Variants in CXCL3 observed in about 807,000 individuals in gnomAD.
CXCL3 encodes C-X-C motif chemokine ligand 3, also known as C-X-C motif chemokine 3.
CXCL3 carries 10 observed loss-of-function variants against 11.5 expected under a neutral mutation model. The observed-to-expected ratio is 0.87, with a 90% CI of 0.54 to 1.48. The LOEUF (loss-of-function observed/expected upper bound fraction) is 1.48. CXCL3 is among the 40% of genes most tolerant of loss of function. CXCL3 has a pLI of 0.00. For synonymous variants in CXCL3, 61 were observed against 60.9 expected, an observed-to-expected ratio of 1.00 and a Z score of -0.01; for missense variants, 149 against 139.1, an observed-to-expected ratio of 1.07 and a Z score of -0.36.
chr4:74,037,173 C>A lies in CXCL3; in HGVS notation c.*89G>T. On this transcript the variant is annotated 3_prime_UTR_variant, in exon 4 of 4. Coordinates refer to ENST00000296026, the MANE Select transcript of CXCL3 (RefSeq NM_002090.3). ...CAGCTGTCCCTAGAAAGCTGCTGTT[C>A]TCTTTTTCATTTTCAGCTCTGGTAA... The A allele has an allele frequency of 4.7e-6, 7 of 1,493,468 alleles. No homozygotes were observed. Among genetic ancestry groups the A allele is most frequent in the Non-Finnish European group, 6.5e-6 (7 of 1,077,152 alleles). The allele number at this position is 1,493,468 out of a possible 1,614,324, so 92.5% of individuals were successfully genotyped here. A position where few individuals can be genotyped will look rare whatever the true frequency, so the allele number is the denominator to read the frequency against.
chr4:74,038,485 C>G (rs769677798), intron 1 of CXCL3, 27 bp downstream of exon 1: 11 of 1,570,722 alleles, frequency 7.0e-6, no homozygotes, highest in Non-Finnish European at 9.4e-6. Flanking sequence ...GCGTCCGGCC[C>G]GGGGACCCCA....
At chr4:74,038,447 CTGTCGGCGCGG>C (rs1720048707) in intron 1 of CXCL3, 34 bp from the exon 2 acceptor site, 2 of 1,593,890 alleles carry the variant, frequency 1.3e-6, no homozygotes, top group Admixed American at 3.5e-5. Flanking sequence ...TTGAGCGGGG[CTGTCGGCGCGG>C]GGCGCCCACC....
chr4:74,037,093 A>G lies in CXCL3; in HGVS notation c.*169T>C. 1 of 617,156 alleles carries G rather than the reference A, an allele frequency of 1.6e-6. No individual in the cohort carries two copies. Among genetic ancestry groups the G allele is most frequent in the Non-Finnish European group, 2.8e-6 (1 of 359,524 alleles). The allele number at this position is 617,156 out of a possible 1,614,324, so 38.2% of individuals were successfully genotyped here. On this transcript the variant is annotated 3_prime_UTR_variant, in exon 4 of 4. Coordinates refer to ENST00000296026, the MANE Select transcript of CXCL3 (RefSeq NM_002090.3). Reference sequence around the variant, plus strand: ...TTAAAATACAAGCTTTCAAAAATAAATACATAAATAAGTAGAACCCTCGTA... The same window carrying G: ...TTAAAATACAAGCTTTCAAAAATAAGTACATAAATAAGTAGAACCCTCGTA...
chr4:74,038,624 A>G lies in CXCL3; in HGVS notation c.-13T>C. 1 of 1,434,824 alleles carries G rather than the reference A, an allele frequency of 7.0e-7. No individual in the cohort carries two copies. The allele number at this position is 1,434,824 out of a possible 1,614,324, so 88.9% of individuals were successfully genotyped here. A position where few individuals can be genotyped will look rare whatever the true frequency, so the allele number is the denominator to read the frequency against. ...TGGCGTGGGCCATGGGGCTCAGCAG[A>G]CGCGTCGGGAAGCTGTGCGAGAAGC... On this transcript the variant is annotated 5_prime_UTR_variant, in exon 1 of 4. Coordinates refer to ENST00000296026, the MANE Select transcript of CXCL3 (RefSeq NM_002090.3).
At position 74,037,035 on chromosome 4, in the gene CXCL3, C is replaced by T. The variant is rs200151056; in HGVS notation, c.*227G>A. 12 of 487,212 alleles carry T rather than the reference C, an allele frequency of 2.5e-5. No individual in the cohort carries two copies. The highest frequency in any genetic ancestry group is 5.0e-5 in the South Asian group (2 of 40,228). The allele number at this position is 487,212 out of a possible 1,614,324, so 30.2% of individuals were successfully genotyped here. A position where few individuals can be genotyped will look rare whatever the true frequency, so the allele number is the denominator to read the frequency against. On this transcript the variant is annotated 3_prime_UTR_variant, in exon 4 of 4. Transcript: ENST00000296026. ...GGACTGAGCTATGTTTGATGAAACA[C>T]ACTCACATCTTTAAATAACAGCATG...
At position 74,038,561 on chromosome 4, in the gene CXCL3, C is replaced by T. The variant is rs559863732; in HGVS notation, c.51G>A (p.Arg17=). The stretch of plus-strand genomic sequence containing the variant: ...CCAGGAGCAGGAGCAGCAGCGCCAC[C>T]CGCAGGAGCCGGGGATTGCTGGGGG... The part of the protein sequence containing the change: ...SAAPSNPRLL[R]VALLLLLLVA... The change falls in exon 1 of 4, where the codon CGG becomes CGA. Residue 17 remains arginine, a synonymous_variant. Transcript: ENST00000296026. The T allele has an allele frequency of 4.7e-6, 7 of 1,490,580 alleles. No homozygotes were observed. The highest frequency in any genetic ancestry group is 3.9e-5 in the South Asian group (3 of 76,962). The allele number at this position is 1,490,580 out of a possible 1,614,324, so 92.3% of individuals were successfully genotyped here.
chr4:74,037,553 T>C, intron 3 of CXCL3: 1 of 468,488 alleles, frequency 2.1e-6, no homozygotes, highest in Non-Finnish European at 3.8e-6. Context: ...GGGTTAGAAA[T>C]GTCCATTCAT....
chr4:74,038,341 T>A lies in CXCL3; in HGVS notation c.173A>T (p.Gln58Leu). ...TCCGGGGGACCTTACATTCACACTT[T>A]GGATGTTCTTGAGGTGAATTCCCTG... ...TLQGIHLKNIQSVNVRSPGPH... is the reference protein window; with the variant it reads ...TLQGIHLKNILSVNVRSPGPH... Residue 58 changes from glutamine to leucine, a missense_variant, in exon 2 of 4, where the codon CAA (glutamine) becomes CTA (leucine). Transcript: ENST00000296026. 9 of 1,614,124 alleles carry A rather than the reference T, an allele frequency of 5.6e-6. No individual in the cohort carries two copies. Among genetic ancestry groups the A allele is most frequent in the Non-Finnish European group, 7.6e-6 (9 of 1,179,998 alleles).
intron 3 of CXCL3, chr4:74,037,556 C>T: frequency 2.2e-6 from 1 of 460,886 alleles, no homozygotes; most frequent in Non-Finnish European, 3.9e-6. Flanking sequence ...TTAGAAATGT[C>T]CATTCATGAT....
chr4:74,037,187 C>T lies in CXCL3; in HGVS notation c.*75G>A, dbSNP rs200565678. 2.7e-5 allele frequency: 42 copies of T among 1,558,290 alleles called. No individual in the cohort carries two copies. The African/African-American group carries it at 5.3e-4, about 20-fold the overall frequency. ...AAGCTGCTGTTCTCTTTTTCATTTT[C>T]AGCTCTGGTAAGGGCAGGGACCACC... On this transcript the variant is annotated 3_prime_UTR_variant, in exon 4 of 4. Coordinates refer to ENST00000296026, the MANE Select transcript of CXCL3 (RefSeq NM_002090.3).
chr4:74,037,427 G>GAAA, intron 3 of CXCL3, 150 bp from the exon 4 acceptor site: 1 of 524,212 alleles, frequency 1.9e-6, no homozygotes, highest in Non-Finnish European at 3.2e-6. Flanking sequence ...TTCTATAGCA[G>GAAA]AAAACTTGCA....
In CXCL3 at chr4:74,037,269, G is replaced by T. The variant is rs1720014213; in HGVS notation, c.317C>A (p.Thr106Asn). The change falls in exon 4 of 4, where the codon ACC becomes AAC. Residue 106 changes from threonine to asparagine, a missense_variant. Transcript: ENST00000296026. ...IIEKILNKGS[T>N]N The stretch of plus-strand genomic sequence containing the variant: ...CTTCTTACTTCTCTCCTGTCAGTTG[G>T]TGCTCCCCCTGTGATGAGAAAAGGG... The T allele has an allele frequency of 6.2e-7, 1 of 1,613,874 alleles. No homozygotes were observed. The highest frequency in any genetic ancestry group is 8.5e-7 in the Non-Finnish European group (1 of 1,179,980).
rs751227846 is a variant in CXCL3 at position 74,038,567 on chromosome 4, G to A, written c.45C>T (p.Leu15=). ...TLSAAPSNPR[L]LRVALLLLLL... ...GCAGGAGCAGCAGCGCCACCCGCAG[G>A]AGCCGGGGATTGCTGGGGGCGGCGG... is the stretch of plus-strand genomic sequence containing the variant. The change falls in exon 1 of 4, where the codon CTC becomes CTT. Residue 15 remains leucine (L), a synonymous_variant. Coordinates refer to ENST00000296026, the MANE Select transcript of CXCL3 (RefSeq NM_002090.3). 8.1e-6 allele frequency: 12 copies of A among 1,490,372 alleles called. No individual in the cohort carries two copies. The highest frequency in any genetic ancestry group is 4.5e-6 in the Non-Finnish European group (5 of 1,121,716). The allele number at this position is 1,490,372 out of a possible 1,614,324, so 92.3% of individuals were successfully genotyped here.
rs772927599 is a variant in CXCL3, at chr4:74,038,388, G to A, written c.126C>T (p.Arg42=). ...AAGASVVTEL[R]CQCLQTLQGI... is the part of the protein sequence containing the mutation. ...CCTGCAGTGTCTGCAAGCACTGGCA[G>A]CGCAGTTCAGTGACCACGGACGCTC... Residue 42 remains arginine, a synonymous_variant, in exon 2 of 4, where the codon CGC becomes CGT. Coordinates refer to ENST00000296026, the MANE Select transcript of CXCL3 (RefSeq NM_002090.3). 1 of 1,614,150 alleles carries A rather than the reference G, an allele frequency of 6.2e-7. No homozygotes were observed. Among genetic ancestry groups the A allele is most frequent in the East Asian group, 2.2e-5 (1 of 44,864 alleles).
chr4:74,037,354 A>G (rs373102878), intron 3 of CXCL3, 77 bp from the exon 4 acceptor site: 1 of 1,550,834 alleles, frequency 6.4e-7, no homozygotes, highest in Admixed American at 1.7e-5. Context: ...GCTTGGAGGG[A>G]TGTCCCCATG....
chr4:74,038,425 T>A lies in CXCL3; in HGVS notation c.101-12A>T. Reference sequence around the variant, plus strand: ...GACCACGGACGCTCCTAGGGAAGAATAGACTCGCTGATTGAGCGGGGCTGT... The same window carrying A: ...GACCACGGACGCTCCTAGGGAAGAAAAGACTCGCTGATTGAGCGGGGCTGT... On this transcript the variant is annotated splice_polypyrimidine_tract_variant and intron_variant, in intron 1 of 3. Coordinates refer to ENST00000296026, the MANE Select transcript of CXCL3 (RefSeq NM_002090.3). 1 of 1,609,076 alleles carries A rather than the reference T, an allele frequency of 6.2e-7. No individual in the cohort carries two copies. The highest frequency in any genetic ancestry group is 8.5e-7 in the Non-Finnish European group (1 of 1,178,022).
chr4:74,037,487 C>A, intron 3 of CXCL3: 1 of 556,030 alleles, frequency 1.8e-6, no homozygotes, highest in Non-Finnish European at 3.2e-6. Context: ...GCTGTGGACT[C>A]AACTAGATTC....
Position 74,036,925 on chromosome 4 carries a change from C to A in CXCL3, c.*337G>T. 4.9e-6 allele frequency: 1 copy of A among 205,522 alleles called. No individual in the cohort carries two copies. The allele number at this position is 205,522 out of a possible 1,614,324, so 12.7% of individuals were successfully genotyped here. ...TCCAGTTCCCCACCCTGTCATTTAT[C>A]AAGGTGGCTGACACATTATGGTCTC... On this transcript the variant is annotated 3_prime_UTR_variant, in exon 4 of 4. Transcript: ENST00000296026.
At chr4:74,038,055 G>T in intron 3 of CXCL3, 38 bp downstream of exon 3, 1 of 1,605,530 alleles carries the variant, frequency 6.2e-7, no homozygotes, top group Non-Finnish European at 8.5e-7. Context: ...TCTGACCAAC[G>T]GCTCCAGTCG....
Sources: gnomAD v4.1 joint callset for allele counts on GRCh38, gnomAD v4.1.1 for gene constraint, MANE v1.5 for transcripts, NCBI Gene and HGNC (gene_info 2026-07-23, HGNC 2026-07-21) for gene names.